Variants in CR1 observed in about 807,000 individuals in gnomAD.
The protein encoded by CR1 is complement C3b/C4b receptor 1 (Knops blood group).
CR1 carries 116 observed loss-of-function variants against 187.3 expected under a neutral mutation model. The ratio of observed to expected loss-of-function variants is 0.62; its 90% CI spans 0.53 to 0.72. The LOEUF is 0.72. Among genes scored for constraint, CR1 ranks in the 30% least tolerant of loss-of-function variants. The pLI is 0.00. For missense variants in CR1, 1,731 were observed against 2,110.7 expected, an observed-to-expected ratio of 0.82 and a Z score of 3.52; for synonymous variants, 576 against 747.1, an observed-to-expected ratio of 0.77 and a Z score of 3.73.
rs61297619 is a variant in CR1, at chr1:207,578,144, G to A, written c.4877G>A (p.Arg1626His). 2.5e-3 allele frequency: 3,983 copies of A among 1,611,802 alleles called. 86 individuals are homozygous for A. In the African/African-American group the frequency reaches 0.045, roughly 18 times the overall value. ...CCTGGCTTTGTCATGAAAGGACCCC[G>A]CCGTGTGAAGTGCCAGGCCCTGAAC... ...CQPGFVMKGP[R>H]RVKCQALNKW... Residue 1626 changes from arginine to histidine, a missense_variant, in exon 29 of 47, where the codon CGC becomes CAC. Arg to His is a conservative substitution (Grantham distance 29). Coordinates refer to ENST00000367049, the MANE Select transcript of CR1 (RefSeq NM_000651.6).
chr1:207,619,906 A>T lies in CR1; in HGVS notation c.7093A>T (p.Met2365Leu). ...AGTAAATTGTAGCTTCCCACTGTTT[A>T]TGAATGGAATCTCGAAGGAGTTAGA... ...KEVNCSFPLF[M>L]NGISKELEMK... Residue 2365 changes from methionine to leucine, a missense_variant, in exon 43 of 47, where the codon ATG becomes TTG. Met to Leu is a conservative substitution (Grantham distance 15, BLOSUM62 2). This residue lies in a region of CR1 where 1,312 missense variants were observed against 1,379.6 expected (regional missense o/e 0.95). Coordinates refer to ENST00000367049, the MANE Select transcript of CR1 (RefSeq NM_000651.6). 6.3e-7 allele frequency: 1 copy of T among 1,595,414 alleles called. No individual in the cohort carries two copies. Among genetic ancestry groups the T allele is most frequent in the South Asian group, 1.1e-5 (1 of 88,040 alleles).
rs1259327440 is a variant in CR1 at position 207,525,398 on chromosome 1, G to A, written c.887-1355G>A. 2.0e-5 allele frequency among the ~76,000 whole-genome samples: 3 copies of A among 151,924 alleles called. No individual in the cohort carries two copies. In the East Asian group the frequency reaches 5.8e-4, roughly 29 times the overall value. On this transcript the variant is annotated intron_variant, in intron 5 of 46. Coordinates refer to ENST00000367049, the MANE Select transcript of CR1 (RefSeq NM_000651.6). ...AGGAGCCTGGAGTGATGGTGAAATGGCCAGCCCCTCCCACTGAGCAGGCAG... is the reference window on the plus strand; with the variant it reads ...AGGAGCCTGGAGTGATGGTGAAATGACCAGCCCCTCCCACTGAGCAGGCAG...
intron 3 of CR1, chr1:207,507,052 T>C: frequency 4.8e-6 from 2 of 417,236 alleles, no homozygotes; most frequent in Non-Finnish European, 8.7e-6. Context: ...GTGGCATTCA[T>C]TGGGTGGGAA....
rs1341174082 is a variant in CR1 at position 207,609,366 on chromosome 1, A to T, written c.5973A>T (p.Gly1991=). 1 of 1,613,872 alleles carries T rather than the reference A, an allele frequency of 6.2e-7. No individual in the cohort carries two copies. Among genetic ancestry groups the T allele is most frequent in the African/African-American group, 1.3e-5 (1 of 74,932 alleles). ...YSNNRTSFHN[G]TVVTYQCHTG... Reference sequence around the variant, plus strand: ...ACAATAGAACATCTTTTCACAATGGAACGGTGGTAACTTACCAGTGCCACA... The same window carrying T: ...ACAATAGAACATCTTTTCACAATGGTACGGTGGTAACTTACCAGTGCCACA... The change falls in exon 37 of 47, where the codon GGA becomes GGT. Residue 1991 remains glycine, a synonymous_variant. Transcript: ENST00000367049.
At chr1:207,617,575 G>GTATA (rs1662159480) in intron 41 of CR1, among the ~76,000 whole-genome samples, 1 of 44,672 alleles carries the variant, frequency 2.2e-5, no homozygotes, top group Non-Finnish European at 3.7e-5. Flanking sequence ...ATATGTGTGT[G>GTATA]TGTATATATA....
chr1:207,594,423 G>A (rs1027897146), intron 35 of CR1, among the ~76,000 whole-genome samples: 2 of 152,020 alleles, frequency 1.3e-5, no homozygotes, highest in Admixed American at 6.6e-5. Flanking sequence ...TGGACACACC[G>A]AGGGGAACAT....
At chr1:207,636,965 A>G (rs188812188) in intron 46 of CR1, among the ~76,000 whole-genome samples, 15 of 152,338 alleles carry the variant, frequency 9.8e-5, no homozygotes, top group Non-Finnish European at 1.9e-4. Context: ...ACTAGCATAT[A>G]AGGGGGCTTT....
At chr1:207,505,772 G>C (rs1659408559) in intron 1 of CR1, 132 bp from the exon 2 acceptor site, 1 of 952,958 alleles carries the variant, frequency 1.0e-6, no homozygotes, top group Non-Finnish European at 1.6e-6. Context: ...AGAGGCGGAG[G>C]TTGCAGTGAG....
intron 4 of CR1, among the ~76,000 whole-genome samples, chr1:207,519,724 G>T (rs1482689830): frequency 1.3e-5 from 2 of 152,320 alleles, no homozygotes; most frequent in Admixed American, 6.5e-5. Flanking sequence ...CAAAGTAAGC[G>T]CAGAGACTCC....
intron 46 of CR1, among the ~76,000 whole-genome samples, chr1:207,638,482 C>CATCT (rs904875230): frequency 3.0e-4 from 46 of 152,326 alleles, no homozygotes; most frequent in African/African-American, 1.1e-3. Context: ...ATGATAGAGA[C>CATCT]ATCTGCTCCA....
At chr1:207,637,470 T>C (rs928975119) in intron 46 of CR1, among the ~76,000 whole-genome samples, 10 of 152,396 alleles carry the variant, frequency 6.6e-5, no homozygotes, top group Admixed American at 2.6e-4. Context: ...TAAATTTTAA[T>C]GATCTTTGAT....
chr1:207,632,797 C>CAAAAAAAAAAAAAAAAAAA (rs55649027), intron 46 of CR1, among the ~76,000 whole-genome samples: 4 of 107,658 alleles, frequency 3.7e-5, no homozygotes, highest in African/African-American at 1.8e-4. Flanking sequence ...GACTCCGTCT[C>CAAAAAAAAAAAAAAAAAAA]AAAAAAAAAA....
At chr1:207,515,276 T>G (rs1186817594) in intron 4 of CR1, among the ~76,000 whole-genome samples, 1 of 148,366 alleles carries the variant, frequency 6.7e-6, no homozygotes, top group African/African-American at 2.5e-5. Context: ...CGTATACATA[T>G]ATAGGTATAT....
intron 39 of CR1, among the ~76,000 whole-genome samples, chr1:207,612,659 C>T (rs1458510019): frequency 2.6e-5 from 4 of 152,246 alleles, no homozygotes; most frequent in East Asian, 1.9e-4. Flanking sequence ...CACTGGGCGG[C>T]GTCTGGCTGG....
At chr1:207,523,185 G>A (rs1660050793) in intron 4 of CR1, among the ~76,000 whole-genome samples, 1 of 151,976 alleles carries the variant, frequency 6.6e-6, no homozygotes, top group African/African-American at 2.4e-5. Context: ...TTCCTACTGT[G>A]TATATTTGTG....
At chr1:207,586,489 A>G (rs925700638) in intron 33 of CR1, among the ~76,000 whole-genome samples, 2 of 152,218 alleles carry the variant, frequency 1.3e-5, no homozygotes, top group African/African-American at 2.4e-5. Context: ...AAAACACTGT[A>G]TTAGTTTCCT....
intron 28 of CR1, among the ~76,000 whole-genome samples, chr1:207,577,303 C>T (rs191670872): frequency 4.6e-5 from 7 of 151,406 alleles, no homozygotes; most frequent in African/African-American, 1.7e-4. Flanking sequence ...TACATGGATA[C>T]ATTTAGTGAA....
chr1:207,581,433 A>C (rs1463888752), intron 31 of CR1, among the ~76,000 whole-genome samples: 1 of 150,860 alleles, frequency 6.6e-6, no homozygotes, highest in Admixed American at 6.6e-5. Context: ...ATGTATATAT[A>C]CATATGTATA....
intron 41 of CR1, 43 bp downstream of exon 41, chr1:207,616,845 C>T: frequency 1.3e-6 from 2 of 1,599,692 alleles, no homozygotes; most frequent in East Asian, 2.2e-5. Flanking sequence ...TTCAGAATAT[C>T]TAGGTAAGAA....
Sources: allele counts gnomAD v4.1 joint callset (sites outside exome capture counted in the v4.1 genomes callset), GRCh38; gene constraint gnomAD v4.1.1; regional missense constraint gnomAD v4.1.1; transcripts MANE v1.5; gene names NCBI Gene and HGNC (gene_info 2026-07-23, HGNC 2026-07-21).